The following MEGF11 variants were observed in gnomAD, a reference collection of about 807,000 sequenced individuals.
MEGF11 encodes the protein multiple EGF like domains 11, also known as multiple epidermal growth factor-like domains protein 11.
A neutral mutation model predicts 146.6 loss-of-function variants in MEGF11; 126 were observed. That is an observed-to-expected ratio of 0.86 (90% CI 0.74 to 1.00). The LOEUF is 1.00. Ranked by LOEUF, MEGF11 falls within the 50% of genes least tolerant of loss-of-function variation. The pLI is 0.00. For missense variants in MEGF11, 1,509 were observed against 1,521.2 expected (o/e 0.99, Z 0.13); for synonymous variants, 532 against 583.4 (o/e 0.91, Z 1.27).
rs138347517 is a variant in MEGF11, at chr15:65,898,225, G to T, written c.3263-131C>A. 5.5e-6 allele frequency: 8 copies of T among 1,442,934 alleles called. No individual in the cohort carries two copies. In the East Asian group the frequency reaches 1.8e-4, roughly 32 times the overall value. 89.4% of individuals were successfully genotyped at this position (1,442,934 alleles called of 1,614,324 possible). ...ATAAATCTATGGCAAATACATGAGG[G>T]TTAGGACTGAGGCTTGCTCAGGAGA... On this transcript the variant is annotated intron_variant, in intron 25 of 25. Coordinates refer to ENST00000395614, the MANE Select transcript of MEGF11 (RefSeq NM_001385028.1).
At chr15:66,165,518 C>T (rs914315675) in intron 1 of MEGF11, among the ~76,000 whole-genome samples, 1 of 152,226 alleles carries the variant, frequency 6.6e-6, no homozygotes, top group African/African-American at 2.4e-5. Context: ...CGGTCCTTCT[C>T]TTTCCCCCTT....
chr15:65,980,251 G>C (rs2081585658), intron 7 of MEGF11, among the ~76,000 whole-genome samples: 1 of 152,204 alleles, frequency 6.6e-6, no homozygotes, highest in Admixed American at 6.5e-5. Context: ...TCAGAGAGGT[G>C]AGTAACTTGC....
chr15:66,086,390 A>G (rs1038583799), intron 5 of MEGF11, among the ~76,000 whole-genome samples: 1 of 152,240 alleles, frequency 6.6e-6, no homozygotes, highest in African/African-American at 2.4e-5. Context: ...CTAAGGAAAG[A>G]ATCTTAAGGG....
chr15:65,942,893 T>G (rs1402721661), intron 10 of MEGF11, among the ~76,000 whole-genome samples: 1 of 146,580 alleles, frequency 6.8e-6, no homozygotes, highest in African/African-American at 2.5e-5. Context: ...CATATGACCC[T>G]AATCAATCTA....
intron 5 of MEGF11, among the ~76,000 whole-genome samples, chr15:66,054,113 C>T (rs543920750): frequency 6.6e-6 from 1 of 152,216 alleles, no homozygotes; most frequent in East Asian, 1.9e-4. Flanking sequence ...CTTGGGTCCC[C>T]AGTTCCCAGC....
At chr15:66,186,868 A>G (rs2141173302) in intron 1 of MEGF11, among the ~76,000 whole-genome samples, 1 of 152,372 alleles carries the variant, frequency 6.6e-6, no homozygotes, top group African/African-American at 2.4e-5. Context: ...GCCCAGGGTC[A>G]CAGAGCTACT....
chr15:66,004,432 T>G (rs1009966193), intron 5 of MEGF11, among the ~76,000 whole-genome samples: 1 of 13,564 alleles, frequency 7.4e-5, no homozygotes, highest in African/African-American at 1.5e-4. Context: ...TAATATTTTC[T>G]TTTCTTAAAA....
At chr15:66,152,949 C>T (rs1378023763) in intron 1 of MEGF11, among the ~76,000 whole-genome samples, 1 of 152,226 alleles carries the variant, frequency 6.6e-6, no homozygotes. Context: ...GTGTGTACTG[C>T]CATGCCGGTC....
chr15:65,916,765 C>A, intron 17 of MEGF11, 63 bp downstream of exon 17: 1 of 1,579,218 alleles, frequency 6.3e-7, no homozygotes, highest in Non-Finnish European at 8.6e-7. Flanking sequence ...ACAATGCCCA[C>A]AGTGGCCAGT....
At chr15:66,154,461 G>T (rs1419668989) in intron 1 of MEGF11, among the ~76,000 whole-genome samples, 1 of 152,178 alleles carries the variant, frequency 6.6e-6, no homozygotes, top group Non-Finnish European at 1.5e-5. Context: ...AAACCCGGGG[G>T]CTCAAATACC....
Position 65,916,938 on chromosome 15 carries a change from C to A in MEGF11, c.2105G>T (p.Trp702Leu). The A allele has an allele frequency of 6.5e-7, 1 of 1,529,120 alleles. No homozygotes were observed. The highest frequency in any genetic ancestry group is 2.4e-5 in the East Asian group (1 of 41,398). 94.7% of individuals were successfully genotyped at this position (1,529,120 alleles called of 1,614,324 possible). A position where few individuals can be genotyped will look rare whatever the true frequency, so the allele number is the denominator to read the frequency against. The change falls in exon 17 of 26, where the codon TGG (tryptophan) becomes TTG (leucine). Residue 702 changes from tryptophan to leucine, a missense_variant. Physicochemically the swap from Trp to Leu is moderately conservative, Grantham distance 61. Transcript: ENST00000395614. Reference sequence around the variant, plus strand: ...GCATGCGTGGAAGCAGGCGGGGCCCCAGAACCCGGGTGGGCAAGCTGGGAT... The same window carrying A: ...GCATGCGTGGAAGCAGGCGGGGCCCAAGAACCCGGGTGGGCAAGCTGGGAT... ...DCSQACPPGF[W>L]GPACFHACSC...
intron 21 of MEGF11, 142 bp from the exon 22 acceptor site, chr15:65,909,948 C>A (rs904843966): frequency 1.4e-6 from 1 of 737,536 alleles, no homozygotes; most frequent in East Asian, 2.7e-5. Context: ...AAAGGGCGAG[C>A]TAGGTGTTCC....
At chr15:65,966,047 C>T (rs1472721530) in intron 8 of MEGF11, among the ~76,000 whole-genome samples, 2 of 152,100 alleles carry the variant, frequency 1.3e-5, no homozygotes, top group East Asian at 3.9e-4. Flanking sequence ...ACTCTGTTGC[C>T]CAGGCTGGAA....
intron 7 of MEGF11, among the ~76,000 whole-genome samples, chr15:65,979,907 C>T (rs755797687): frequency 3.3e-5 from 5 of 152,234 alleles, no homozygotes; most frequent in Admixed American, 1.3e-4. Flanking sequence ...TGAATTTAGG[C>T]CCATGAGGTT....
At chr15:65,914,386 C>T (rs1165669657) in intron 19 of MEGF11, among the ~76,000 whole-genome samples, 1 of 152,086 alleles carries the variant, frequency 6.6e-6, no homozygotes, top group Admixed American at 6.5e-5. Flanking sequence ...AAAAATTGAA[C>T]ACAGCTCCTC....
At chr15:66,171,278 G>A (rs1375044901) in intron 1 of MEGF11, among the ~76,000 whole-genome samples, 1 of 152,192 alleles carries the variant, frequency 6.6e-6, no homozygotes, top group Non-Finnish European at 1.5e-5. Flanking sequence ...TCAACCACGG[G>A]GGCGGTCAAA....
At chr15:66,228,478 C>G (rs544675094) in intron 1 of MEGF11, among the ~76,000 whole-genome samples, 1 of 152,286 alleles carries the variant, frequency 6.6e-6, no homozygotes, top group East Asian at 1.9e-4. Flanking sequence ...TGCACTCACA[C>G]ATGCACACAG....
chr15:66,030,422 C>CT (rs2083475912), intron 5 of MEGF11, among the ~76,000 whole-genome samples: 1 of 152,098 alleles, frequency 6.6e-6, no homozygotes. Flanking sequence ...CCTTTTTATT[C>CT]TTTTTTGATA....
At position 65,982,225 on chromosome 15, in the gene MEGF11, C is replaced by T; in HGVS notation, c.641+17G>A. On this transcript the variant is annotated intron_variant, in intron 6 of 25. Transcript: ENST00000395614. This position sits in a 1 kb window ranked among gnomAD's most constrained non-coding sequence, Gnocchi z 5.6. ...CCCTCCAGGTCCCGCCCCTCCAGGTCCTGCCGCATGACTCACTAGACGCCG... is the reference window on the plus strand; with the variant it reads ...CCCTCCAGGTCCCGCCCCTCCAGGTTCTGCCGCATGACTCACTAGACGCCG... 3 of 1,400,638 alleles carry T rather than the reference C, an allele frequency of 2.1e-6. No homozygotes were observed. Among genetic ancestry groups the T allele is most frequent in the Non-Finnish European group, 2.8e-6 (3 of 1,060,384 alleles). 86.8% of individuals were successfully genotyped at this position (1,400,638 alleles called of 1,614,324 possible).
Sources: allele counts gnomAD v4.1 joint callset (sites outside exome capture counted in the v4.1 genomes callset), GRCh38; gene constraint gnomAD v4.1.1; non-coding constraint Gnocchi (gnomAD v3.1); transcripts MANE v1.5; gene names NCBI Gene and HGNC (gene_info 2026-07-23, HGNC 2026-07-21).